ADGRL1: variants seen among roughly 807,000 people sequenced by gnomAD.
ADGRL1 encodes adhesion G protein-coupled receptor L1.
In ADGRL1, 31 loss-of-function variants were observed where a neutral mutation model predicts 148.9. That is an observed-to-expected ratio of 0.21 (90% CI 0.16 to 0.28). ADGRL1 has a LOEUF of 0.28. Ranked by LOEUF, ADGRL1 falls within the 10% of genes least tolerant of loss-of-function variation. The probability of loss-of-function intolerance (pLI) is 1.00; values close to 1 mark genes in which losing one functional copy is unlikely to be tolerated. For missense variants in ADGRL1, 1,521 were observed against 2,058.8 expected (o/e 0.74, Z 5.05); for synonymous variants, 937 against 900.3 (o/e 1.04, Z -0.73).
At chr19:14,201,033 T>C (rs1344233598) in intron 1 of ADGRL1, among the ~76,000 whole-genome samples, 1 of 152,086 alleles carries the variant, frequency 6.6e-6, no homozygotes, top group Admixed American at 6.6e-5. Context: ...GGGCTGGAGG[T>C]GTCACTGACA....
At chr19:14,174,690 C>T (rs534884180) in intron 3 of ADGRL1, among the ~76,000 whole-genome samples, 5 of 151,772 alleles carry the variant, frequency 3.3e-5, no homozygotes, top group East Asian at 1.9e-4. Context: ...CTCACACCAC[C>T]GTATCAGGCT....
intron 1 of ADGRL1, among the ~76,000 whole-genome samples, chr19:14,188,075 C>T (rs1227945717): frequency 1.3e-5 from 2 of 151,998 alleles, no homozygotes; most frequent in Non-Finnish European, 2.9e-5. Context: ...CCAGTCTGGG[C>T]AACAGAGCAA....
chr19:14,158,324 A>T lies in ADGRL1; in HGVS notation c.2364+14T>A. ...CAGGGACCCCCATGGAGGGAGGGGGACGGCTCAGCTCACCTCCAGGTGGGC... is the reference window on the plus strand; with the variant it reads ...CAGGGACCCCCATGGAGGGAGGGGGTCGGCTCAGCTCACCTCCAGGTGGGC... On this transcript the variant is annotated intron_variant, in intron 12 of 22. Coordinates refer to ENST00000361434, the MANE Select transcript of ADGRL1 (RefSeq NM_014921.5). 6.2e-7 allele frequency: 1 copy of T among 1,611,046 alleles called. No homozygotes were observed.
chr19:14,168,447 T>C (rs915491816), intron 4 of ADGRL1, among the ~76,000 whole-genome samples: 3 of 152,160 alleles, frequency 2.0e-5, no homozygotes, highest in East Asian at 1.9e-4. Context: ...TGTGTGTGTG[T>C]GCGTGTGTCT....
At chr19:14,195,263 G>GTCT (rs1226326254) in intron 1 of ADGRL1, among the ~76,000 whole-genome samples, 1 of 152,154 alleles carries the variant, frequency 6.6e-6, no homozygotes. Context: ...TAAGCCCTGC[G>GTCT]TCTGTCTCAA....
Position 14,159,240 on chromosome 19 carries a change from C to T in ADGRL1, c.2024-25G>A. ...ACTGTGGGGACAGGGGAAGGCAAGGCATACACAGTTGGGGTCTGTTCCCAG... is the reference window on the plus strand; with the variant it reads ...ACTGTGGGGACAGGGGAAGGCAAGGTATACACAGTTGGGGTCTGTTCCCAG... On this transcript the variant is annotated intron_variant, in intron 10 of 22. Coordinates refer to ENST00000361434, the MANE Select transcript of ADGRL1 (RefSeq NM_014921.5). This position sits in a 1 kb window ranked among gnomAD's most constrained non-coding sequence, Gnocchi z 6.0. 1.9e-6 allele frequency: 3 copies of T among 1,613,150 alleles called. No individual in the cohort carries two copies. Among genetic ancestry groups the T allele is most frequent in the Non-Finnish European group, 2.5e-6 (3 of 1,179,378 alleles).
intron 1 of ADGRL1, among the ~76,000 whole-genome samples, chr19:14,205,327 G>A (rs1234954721): frequency 2.0e-5 from 3 of 151,908 alleles, no homozygotes; most frequent in South Asian, 4.2e-4. Context: ...GCTTTAACCC[G>A]GCACCACGGA....
At chr19:14,196,349 C>T (rs1036497981) in intron 1 of ADGRL1, among the ~76,000 whole-genome samples, 15 of 152,196 alleles carry the variant, frequency 9.9e-5, no homozygotes, top group Non-Finnish European at 1.8e-4. Flanking sequence ...CCGGATGTGG[C>T]GGCGCACACC....
chr19:14,153,957 A>AT (rs1265303635), intron 18 of ADGRL1, among the ~76,000 whole-genome samples: 2 of 151,420 alleles, frequency 1.3e-5, no homozygotes, highest in Non-Finnish European at 1.5e-5. Flanking sequence ...AATAATGATA[A>AT]TAAAAAAAAA....
Position 14,160,867 on chromosome 19 carries a change from G to A in ADGRL1, c.1511-171C>T, listed in dbSNP as rs983916274. ...AGCGGGCTGGACAGTCGAAAGAGGC[G>A]CCACTCACTTCCCCTGAGCTCTCCC... On this transcript the variant is annotated intron_variant, in intron 6 of 22. Transcript: ENST00000361434. The surrounding 1 kb of genome is among the most constrained non-coding windows in gnomAD (Gnocchi z 5.9). Among the ~76,000 whole-genome samples, 4 of 152,088 alleles carry A rather than the reference G, an allele frequency of 2.6e-5. No homozygotes were observed. The highest frequency in any genetic ancestry group is 5.9e-5 in the Non-Finnish European group (4 of 67,986).
rs79448252 is a variant in ADGRL1, at chr19:14,155,068, C to T, written c.3294+291G>A. On this transcript the variant is annotated intron_variant, in intron 18 of 22. Transcript: ENST00000361434. The surrounding 1 kb of genome is among the most constrained non-coding windows in gnomAD (Gnocchi z 5.0). ...AGTCCTCCCTCTCCCAGGCCTGACT[C>T]GTGGCCCTCATGGTGGTGAGGGTTC... is the stretch of plus-strand genomic sequence containing the variant. The T allele has an allele frequency of 5.3e-3, 1,126 of 213,570 alleles. 13 individuals carry two copies. Among genetic ancestry groups the T allele is most frequent in the African/African-American group, 0.023 (1,016 of 43,462 alleles). 13.2% of individuals were successfully genotyped at this position (213,570 alleles called of 1,614,324 possible). A position where few individuals can be genotyped will look rare whatever the true frequency, so the allele number is the denominator to read the frequency against.
chr19:14,186,693 G>C (rs1456657542), intron 1 of ADGRL1, among the ~76,000 whole-genome samples: 1 of 152,138 alleles, frequency 6.6e-6, no homozygotes, highest in African/African-American at 2.4e-5. Flanking sequence ...CTGACCCCCT[G>C]GTCTCTGCTG....
intron 3 of ADGRL1, among the ~76,000 whole-genome samples, chr19:14,175,595 C>T (rs1970768910): frequency 6.6e-6 from 1 of 151,698 alleles, no homozygotes; most frequent in East Asian, 1.9e-4. Context: ...CACTCCAATA[C>T]ACACTCATAC....
Position 14,155,920 on chromosome 19 carries a change from T to C in ADGRL1, c.3125+190A>G. The C allele has an allele frequency of 1.7e-6, 1 of 599,900 alleles. No individual in the cohort carries two copies. 37.2% of individuals were successfully genotyped at this position (599,900 alleles called of 1,614,324 possible). A position where few individuals can be genotyped will look rare whatever the true frequency, so the allele number is the denominator to read the frequency against. On this transcript the variant is annotated intron_variant, in intron 17 of 22. Coordinates refer to ENST00000361434, the MANE Select transcript of ADGRL1 (RefSeq NM_014921.5). The surrounding 1 kb of genome is among the most constrained non-coding windows in gnomAD (Gnocchi z 5.0). ...TAAAACCACAGGTTGGACGTGCTAA[T>C]GATACGCTATCTAAGACCCATTAAG... is the stretch of plus-strand genomic sequence containing the variant.
In ADGRL1 at chr19:14,162,461, G is replaced by A. The variant is rs552480215; in HGVS notation, c.1195+145C>T. The A allele has an allele frequency of 1.4e-4, 96 of 672,748 alleles. No individual in the cohort carries two copies. Among genetic ancestry groups the A allele is most frequent in the African/African-American group, 1.0e-3 (58 of 55,892 alleles). 41.7% of individuals were successfully genotyped at this position (672,748 alleles called of 1,614,324 possible). A position where few individuals can be genotyped will look rare whatever the true frequency, so the allele number is the denominator to read the frequency against. On this transcript the variant is annotated intron_variant, in intron 5 of 22. Transcript: ENST00000361434. The surrounding 1 kb of genome is among the most constrained non-coding windows in gnomAD (Gnocchi z 5.4). ...ATGACTGTGAAGTGCTTAGAACAGCGTCTGTCACATGCTGTGAATTTCCTT... is the reference window on the plus strand; with the variant it reads ...ATGACTGTGAAGTGCTTAGAACAGCATCTGTCACATGCTGTGAATTTCCTT...
At chr19:14,176,673 C>CA (rs1568607806) in intron 3 of ADGRL1, among the ~76,000 whole-genome samples, 1 of 151,274 alleles carries the variant, frequency 6.6e-6, no homozygotes, top group African/African-American at 2.4e-5. Flanking sequence ...CCTGCCTCTA[C>CA]AAAAAATAAA....
intron 1 of ADGRL1, among the ~76,000 whole-genome samples, chr19:14,183,961 G>A (rs1037621699): frequency 1.3e-5 from 2 of 152,172 alleles, no homozygotes; most frequent in Non-Finnish European, 2.9e-5. Context: ...CAGCTCACGG[G>A]GAGATCCCAG....
intron 16 of ADGRL1, 148 bp from the exon 17 acceptor site, chr19:14,156,349 G>A (rs1380611144): frequency 2.9e-6 from 2 of 678,704 alleles, no homozygotes; most frequent in African/African-American, 1.8e-5. Context: ...GGTGCCCGCT[G>A]TGCAGCGGTG....
rs1438951868 is a variant in ADGRL1, at chr19:14,155,023, T to TCC, written c.3294+334_3294+335dup. On this transcript the variant is annotated intron_variant, in intron 18 of 22. Coordinates refer to ENST00000361434, the MANE Select transcript of ADGRL1 (RefSeq NM_014921.5). The surrounding 1 kb of genome is among the most constrained non-coding windows in gnomAD (Gnocchi z 5.0). ...CCAGAACTATGAATGTAGGCAGTGC[T>TCC]CCCTCAGGGTGGCTCCCAAAGTCCT... The TCC allele has an allele frequency of 5.5e-6, 1 of 180,790 alleles. No individual in the cohort carries two copies. The highest frequency in any genetic ancestry group is 2.4e-5 in the African/African-American group (1 of 42,246). The allele number at this position is 180,790 out of a possible 1,614,324, so 11.2% of individuals were successfully genotyped here.
Sources: allele counts gnomAD v4.1 joint callset (sites outside exome capture counted in the v4.1 genomes callset), GRCh38; gene constraint gnomAD v4.1.1; non-coding constraint Gnocchi (gnomAD v3.1); transcripts MANE v1.5; gene names NCBI Gene and HGNC (gene_info 2026-07-23, HGNC 2026-07-21).